CADM2: variants seen among roughly 807,000 people sequenced by gnomAD.
The protein encoded by CADM2 is cell adhesion molecule 2.
In CADM2, 12 loss-of-function variants were observed where a neutral mutation model predicts 49.8. The ratio of observed to expected loss-of-function variants is 0.24; its 90% CI spans 0.15 to 0.39. CADM2 has a LOEUF of 0.39. Among genes scored for constraint, CADM2 ranks in the 10% least tolerant of loss-of-function variants. CADM2 has a pLI of 1.00. For missense variants in CADM2, 378 were observed against 492.3 expected, an observed-to-expected ratio of 0.77 and a Z score of 2.20; for synonymous variants, 214 against 175.4, an observed-to-expected ratio of 1.22 and a Z score of -1.74.
intron 3 of CADM2, among the ~76,000 whole-genome samples, chr3:85,807,792 C>G (rs1019737934): frequency 2.0e-5 from 3 of 151,980 alleles, no homozygotes; most frequent in Non-Finnish European, 1.5e-5. Context: ...TCATAATATA[C>G]CTTGTCCAGT....
At chr3:85,612,768 A>G (rs1259358562) in intron 1 of CADM2, among the ~76,000 whole-genome samples, 3 of 151,828 alleles carry the variant, frequency 2.0e-5, no homozygotes, top group African/African-American at 7.2e-5. Flanking sequence ...TAGATACAAA[A>G]TAGGAACAAA....
intron 1 of CADM2, among the ~76,000 whole-genome samples, chr3:85,404,338 A>G (rs2035268978): frequency 6.6e-6 from 1 of 151,938 alleles, no homozygotes; most frequent in Non-Finnish European, 1.5e-5. Flanking sequence ...CAGCTTGTGT[A>G]TTGTGTATGT....
At chr3:86,040,922 A>G (rs1183321815) in intron 8 of CADM2, among the ~76,000 whole-genome samples, 2 of 152,204 alleles carry the variant, frequency 1.3e-5, no homozygotes, top group Non-Finnish European at 2.9e-5. Flanking sequence ...GTGGGGGTTA[A>G]TATTCAACAT....
intron 1 of CADM2, among the ~76,000 whole-genome samples, chr3:85,456,419 CCATA>C (rs1559849349): frequency 6.6e-6 from 1 of 151,970 alleles, no homozygotes; most frequent in Non-Finnish European, 1.5e-5. Flanking sequence ...GAAGAAATGG[CCATA>C]CAAAGAATAT....
At chr3:85,559,799 G>A (rs2062048493) in intron 1 of CADM2, among the ~76,000 whole-genome samples, 1 of 151,974 alleles carries the variant, frequency 6.6e-6, no homozygotes, top group African/African-American at 2.4e-5. Context: ...AGATTTATTG[G>A]AAGGTGAAGA....
rs151049243 is a variant in CADM2 at position 85,326,139 on chromosome 3, C to T, written c.61+366471C>T. On this transcript the variant is annotated intron_variant, in intron 1 of 9. Coordinates refer to ENST00000383699, the MANE Select transcript of CADM2 (RefSeq NM_001167675.2). ...AACCTGTGATTTAAAGCTAAAAGAA[C>T]ATGGCAAATATTTCTCAGAGACTGA... Among the ~76,000 whole-genome samples, 7 of 152,230 alleles carry T rather than the reference C, an allele frequency of 4.6e-5. No individual in the cohort carries two copies. In the East Asian group the frequency reaches 1.4e-3, roughly 29 times the overall value.
intron 1 of CADM2, among the ~76,000 whole-genome samples, chr3:85,166,830 A>G (rs1197703432): frequency 6.6e-6 from 1 of 151,960 alleles, no homozygotes; most frequent in Admixed American, 6.6e-5. Context: ...GAAAATATTA[A>G]TCATGCCAAG....
intron 1 of CADM2, among the ~76,000 whole-genome samples, chr3:85,555,268 A>G (rs1302943696): frequency 6.6e-6 from 1 of 152,152 alleles, no homozygotes; most frequent in East Asian, 1.9e-4. Context: ...AGTGTATTTG[A>G]TGCTTTCCAG....
intron 3 of CADM2, among the ~76,000 whole-genome samples, chr3:85,866,392 C>T (rs1022628442): frequency 2.0e-5 from 3 of 152,114 alleles, no homozygotes; most frequent in African/African-American, 4.8e-5. Context: ...ACTCACTGGC[C>T]TAACTCCATA....
intron 1 of CADM2, among the ~76,000 whole-genome samples, chr3:85,279,897 T>C (rs772085210): frequency 1.5e-4 from 23 of 151,682 alleles, no homozygotes; most frequent in Non-Finnish European, 3.1e-4. Context: ...TTTTTGCTAT[T>C]AAGTTTAGAA....
chr3:85,760,432 T>A (rs940906357), intron 2 of CADM2, among the ~76,000 whole-genome samples: 1 of 152,106 alleles, frequency 6.6e-6, no homozygotes, highest in Admixed American at 6.6e-5. Context: ...CTACACAAAA[T>A]GTTGGACTTA....
rs78493657 is a variant in CADM2 at position 85,872,493 on chromosome 3, C to G, written c.239-10798C>G. On this transcript the variant is annotated intron_variant, in intron 3 of 9. Transcript: ENST00000383699. ...TTATGTGAATTACTAAAAAAAAAAG[C>G]CTTTATTATACTCATTTATAAAAGA... Among the ~76,000 whole-genome samples, 1,339 of 151,382 alleles carry G rather than the reference C, an allele frequency of 8.8e-3. 29 individuals carry two copies. The highest frequency in any genetic ancestry group is 0.047 in the East Asian group (241 of 5,156).
At chr3:85,255,089 T>A (rs1270848636) in intron 1 of CADM2, among the ~76,000 whole-genome samples, 1 of 152,096 alleles carries the variant, frequency 6.6e-6, no homozygotes, top group East Asian at 1.9e-4. Context: ...ATTTGCATAA[T>A]AACCACAGCC....
At chr3:85,848,628 G>A (rs1417123635) in intron 3 of CADM2, among the ~76,000 whole-genome samples, 1 of 151,654 alleles carries the variant, frequency 6.6e-6, no homozygotes, top group African/African-American at 2.4e-5. Context: ...GGTTCACTTT[G>A]GTTTGAGTTC....
chr3:85,772,950 A>AT (rs1366141431), intron 2 of CADM2, among the ~76,000 whole-genome samples: 3 of 149,312 alleles, frequency 2.0e-5, no homozygotes, highest in Admixed American at 1.3e-4. Context: ...AAATGTGATC[A>AT]TTTTGCTGTA....
At chr3:85,289,506 A>G (rs1185731586) in intron 1 of CADM2, among the ~76,000 whole-genome samples, 1 of 152,212 alleles carries the variant, frequency 6.6e-6, no homozygotes, top group African/African-American at 2.4e-5. Context: ...GTCAATGTGG[A>G]CAGCCAGTCA....
chr3:85,918,351 T>C (rs1718655883), intron 6 of CADM2, among the ~76,000 whole-genome samples: 2 of 152,196 alleles, frequency 1.3e-5, no homozygotes, highest in South Asian at 4.1e-4. Context: ...TTATTGTGAG[T>C]TTTTAACATG....
intron 1 of CADM2, among the ~76,000 whole-genome samples, chr3:85,439,008 T>C (rs1001656474): frequency 6.0e-5 from 9 of 150,772 alleles, no homozygotes; most frequent in Admixed American, 1.3e-4. Context: ...TCTTGATAAA[T>C]ATGATTGCAT....
chr3:84,990,487 A>G (rs2107174940), intron 1 of CADM2, among the ~76,000 whole-genome samples: 1 of 152,018 alleles, frequency 6.6e-6, no homozygotes, highest in Non-Finnish European at 1.5e-5. Flanking sequence ...ATTAAAAAAT[A>G]AATTTATAAT....
Sources: allele counts gnomAD v4.1 joint callset (sites outside exome capture counted in the v4.1 genomes callset), GRCh38; gene constraint gnomAD v4.1.1; transcripts MANE v1.5; gene names NCBI Gene and HGNC (gene_info 2026-07-23, HGNC 2026-07-21).